The following GRM5 variants were observed in gnomAD, a reference collection of about 807,000 sequenced individuals.
The protein encoded by GRM5 is metabotropic glutamate receptor 5.
GRM5 carries 19 observed loss-of-function variants against 83.1 expected under a neutral mutation model. That is an observed-to-expected ratio of 0.23 (90% CI 0.16 to 0.34). The LOEUF is 0.34. GRM5 is among the 10% of genes least tolerant of loss of function. The pLI is 1.00. For missense variants in GRM5, 1,160 were observed against 1,588.3 expected (o/e 0.73, Z 4.58); for synonymous variants, 675 against 633.6 (o/e 1.07, Z -0.98).
chr11:88,684,039 G>A (rs924380590), intron 3 of GRM5, among the ~76,000 whole-genome samples: 4 of 152,148 alleles, frequency 2.6e-5, no homozygotes, highest in Non-Finnish European at 4.4e-5. Flanking sequence ...AAAATTAGAA[G>A]AGTCACATGG....
At chr11:88,723,297 G>A (rs1941591016) in intron 3 of GRM5, among the ~76,000 whole-genome samples, 1 of 152,044 alleles carries the variant, frequency 6.6e-6, no homozygotes, top group African/African-American at 2.4e-5. Flanking sequence ...CATCTTGGTT[G>A]CTTCCAAGTT....
At chr11:88,583,649 G>A (rs967219022) in intron 7 of GRM5, among the ~76,000 whole-genome samples, 1 of 152,092 alleles carries the variant, frequency 6.6e-6, no homozygotes, top group East Asian at 1.9e-4. Flanking sequence ...TTGGACTGGG[G>A]ACCTAAAGAT....
intron 2 of GRM5, among the ~76,000 whole-genome samples, chr11:88,938,157 T>TTATA (rs1319233096): frequency 6.6e-6 from 1 of 151,718 alleles, no homozygotes; most frequent in East Asian, 1.9e-4. Context: ...AAACATCATG[T>TTATA]TATACACTAA....
chr11:88,572,703 G>C (rs1383067052), intron 7 of GRM5, among the ~76,000 whole-genome samples: 1 of 152,010 alleles, frequency 6.6e-6, no homozygotes, highest in East Asian at 1.9e-4. Flanking sequence ...ACAAATATCT[G>C]TGTAGTTATT....
chr11:88,709,270 C>T (rs578256086), intron 3 of GRM5, among the ~76,000 whole-genome samples: 1 of 151,916 alleles, frequency 6.6e-6, no homozygotes, highest in East Asian at 2.0e-4. Context: ...GTTCAGGGCC[C>T]ATGAAGCATT....
At chr11:88,755,619 G>A (rs1942379954) in intron 3 of GRM5, among the ~76,000 whole-genome samples, 1 of 152,050 alleles carries the variant, frequency 6.6e-6, no homozygotes. Context: ...AATAATTTAT[G>A]GAATTGTAGT....
At chr11:88,888,548 C>T (rs551925194) in intron 2 of GRM5, among the ~76,000 whole-genome samples, 69 of 152,196 alleles carry the variant, frequency 4.5e-4, no homozygotes, top group African/African-American at 1.7e-3. Context: ...TTTACCCAAA[C>T]CTTAAAATGC....
At chr11:88,676,058 A>C (rs1940321086) in intron 3 of GRM5, among the ~76,000 whole-genome samples, 1 of 152,050 alleles carries the variant, frequency 6.6e-6, no homozygotes, top group South Asian at 2.1e-4. Context: ...AGAACTCAGC[A>C]AGGGGGATCA....
intron 1 of GRM5, among the ~76,000 whole-genome samples, chr11:89,055,826 T>C (rs1167034668): frequency 1.3e-5 from 2 of 152,132 alleles, no homozygotes; most frequent in African/African-American, 4.8e-5. Flanking sequence ...GCATATCATG[T>C]GTTGTTCACT....
chr11:88,715,546 C>T (rs936513861), intron 3 of GRM5, among the ~76,000 whole-genome samples: 1 of 151,982 alleles, frequency 6.6e-6, no homozygotes, highest in African/African-American at 2.4e-5. Context: ...AAATCCTCCC[C>T]TCCTGATCAG....
chr11:89,011,873 A>C (rs1287775343), intron 2 of GRM5, among the ~76,000 whole-genome samples: 1 of 152,226 alleles, frequency 6.6e-6, no homozygotes, highest in Non-Finnish European at 1.5e-5. Context: ...GTTTTCATAG[A>C]TGAATAAATT....
intron 2 of GRM5, among the ~76,000 whole-genome samples, chr11:88,928,925 C>T (rs1945839744): frequency 1.3e-5 from 2 of 151,712 alleles, no homozygotes; most frequent in Non-Finnish European, 1.5e-5. Flanking sequence ...CACACACACA[C>T]ACACACACAC....
intron 2 of GRM5, among the ~76,000 whole-genome samples, chr11:88,856,748 TGCTATGACATGATGATA>T (rs1944485655): frequency 6.6e-6 from 1 of 152,060 alleles, no homozygotes; most frequent in Non-Finnish European, 1.5e-5. Flanking sequence ...TAATACATTC[TGCTATGACATGATGATA>T]GCTATGACAT....
intron 3 of GRM5, among the ~76,000 whole-genome samples, chr11:88,838,889 ACAC>A (rs1944141390): frequency 6.6e-6 from 1 of 151,494 alleles, no homozygotes; most frequent in Admixed American, 6.6e-5. Flanking sequence ...ACACACACAC[ACAC>A]ACACACACAC....
Position 88,508,448 on chromosome 11 carries a change from C to G in GRM5, c.*144G>C. On this transcript the variant is annotated 3_prime_UTR_variant, in exon 10 of 10. Coordinates refer to ENST00000305447, the MANE Select transcript of GRM5 (RefSeq NM_001143831.3). This position sits in a 1 kb window ranked among gnomAD's most constrained non-coding sequence, Gnocchi z 4.2. The stretch of plus-strand genomic sequence containing the variant: ...CTTCGTCGGTTGTCATGAGATAGCA[C>G]TACTGATCTCGTGTTTCCATTAAGG... The G allele has an allele frequency of 5.1e-6, 3 of 584,638 alleles. No homozygotes were observed. The East Asian group carries it at 1.0e-4, about 20-fold the overall frequency. 36.2% of individuals were successfully genotyped at this position (584,638 alleles called of 1,614,324 possible).
intron 3 of GRM5, among the ~76,000 whole-genome samples, chr11:88,811,619 C>T (rs1943589867): frequency 6.6e-6 from 1 of 152,100 alleles, no homozygotes; most frequent in Non-Finnish European, 1.5e-5. Flanking sequence ...AGAATGAATT[C>T]TCAAAATTAG....
intron 3 of GRM5, among the ~76,000 whole-genome samples, chr11:88,775,406 T>C (rs1331543106): frequency 6.6e-6 from 1 of 152,180 alleles, no homozygotes; most frequent in Non-Finnish European, 1.5e-5. Context: ...CATTCATTGA[T>C]TTTTTGAAGG....
intron 7 of GRM5, among the ~76,000 whole-genome samples, chr11:88,568,530 G>A (rs906828543): frequency 6.6e-6 from 1 of 152,110 alleles, no homozygotes; most frequent in Non-Finnish European, 1.5e-5. Context: ...AGGGAGGAAG[G>A]GGATCTTGCA....
At chr11:88,656,114 T>C (rs1367651902) in intron 3 of GRM5, among the ~76,000 whole-genome samples, 1 of 152,202 alleles carries the variant, frequency 6.6e-6, no homozygotes, top group African/African-American at 2.4e-5. Context: ...TCTATTACTT[T>C]GATAGAGTGG....
Sources: allele counts gnomAD v4.1 joint callset (sites outside exome capture counted in the v4.1 genomes callset), GRCh38; gene constraint gnomAD v4.1.1; non-coding constraint Gnocchi (gnomAD v3.1); transcripts MANE v1.5; gene names NCBI Gene and HGNC (gene_info 2026-07-23, HGNC 2026-07-21).